ARAP1: variants seen among roughly 807,000 people sequenced by gnomAD.
The protein encoded by ARAP1 is ArfGAP with RhoGAP domain, ankyrin repeat and PH domain 1, also known as arf-GAP with Rho-GAP domain, ANK repeat and PH domain-containing protein 1.
A neutral mutation model predicts 172.2 loss-of-function variants in ARAP1; 76 were observed. That is an observed-to-expected ratio of 0.44 (90% CI 0.37 to 0.53). ARAP1 has a LOEUF of 0.53. Among genes scored for constraint, ARAP1 ranks in the 20% least tolerant of loss-of-function variants. The pLI is 0.00. For synonymous variants in ARAP1, 804 were observed against 803.3 expected (o/e 1.00, Z -0.01); for missense variants, 1,686 against 1,977.5 (o/e 0.85, Z 2.80).
At position 72,701,646 on chromosome 11, in the gene ARAP1, C is replaced by A; in HGVS notation, c.2302+3G>T. ...CTAAAGCAGAGTCTGGGGTGGCACC[C>A]ACCTTCCCGGGCCCGGCGGTCCTGT... is the stretch of plus-strand genomic sequence containing the variant. On this transcript the variant is annotated splice_donor_region_variant and intron_variant, in intron 16 of 34. Coordinates refer to ENST00000393609, the MANE Select transcript of ARAP1 (RefSeq NM_001040118.3). 1 of 1,612,120 alleles carries A rather than the reference C, an allele frequency of 6.2e-7. No homozygotes were observed. The highest frequency in any genetic ancestry group is 2.2e-5 in the East Asian group (1 of 44,868).
At chr11:72,734,967 T>C (rs1459167372) in intron 1 of ARAP1, among the ~76,000 whole-genome samples, 1 of 152,146 alleles carries the variant, frequency 6.6e-6, no homozygotes, top group East Asian at 1.9e-4. Context: ...ACTCTATTCA[T>C]ACTGGAGACT....
At chr11:72,701,086 C>A (rs1856461346) in intron 16 of ARAP1, among the ~76,000 whole-genome samples, 1 of 152,114 alleles carries the variant, frequency 6.6e-6, no homozygotes, top group African/African-American at 2.4e-5. Context: ...GAAACAGAGA[C>A]CTGACGGAAG....
chr11:72,687,364 G>A, intron 33 of ARAP1, 75 bp downstream of exon 33: 1 of 1,574,802 alleles, frequency 6.3e-7, no homozygotes, highest in Non-Finnish European at 8.7e-7. Flanking sequence ...GAATAGCACA[G>A]AAGCCAATGT....
chr11:72,734,639 A>G (rs1393045365), intron 1 of ARAP1, among the ~76,000 whole-genome samples: 2 of 152,226 alleles, frequency 1.3e-5, no homozygotes, highest in African/African-American at 4.8e-5. Flanking sequence ...CCCTGTTTTA[A>G]GGTGAAGAAA....
chr11:72,733,021 T>TGGA (rs1008959991), intron 1 of ARAP1, among the ~76,000 whole-genome samples: 2 of 149,834 alleles, frequency 1.3e-5, no homozygotes, highest in African/African-American at 4.9e-5. Context: ...GGGGAAGAGG[T>TGGA]GGAAGAAGAG....
At position 72,685,651 on chromosome 11, in the gene ARAP1, T is replaced by C. The variant is rs774219037; in HGVS notation, c.*13A>G. The C allele has an allele frequency of 1.2e-6, 2 of 1,614,122 alleles. No individual in the cohort carries two copies. Among genetic ancestry groups the C allele is most frequent in the Non-Finnish European group, 1.7e-6 (2 of 1,179,960 alleles). The stretch of plus-strand genomic sequence containing the variant: ...AGCGGCGGAATCCTAGAGCCAAGGA[T>C]GGGCTCCTGTGCTCAGACGTTGCGC... On this transcript the variant is annotated 3_prime_UTR_variant, in exon 35 of 35. Coordinates refer to ENST00000393609, the MANE Select transcript of ARAP1 (RefSeq NM_001040118.3).
At chr11:72,687,372 T>C (rs1489396885) in intron 33 of ARAP1, 67 bp downstream of exon 33, 42 of 1,588,342 alleles carry the variant, frequency 2.6e-5, no homozygotes, top group Non-Finnish European at 3.5e-5. Flanking sequence ...CAGAAGCCAA[T>C]GTCCCCATTC....
At chr11:72,734,611 G>T (rs1200822204) in intron 1 of ARAP1, among the ~76,000 whole-genome samples, 1 of 152,172 alleles carries the variant, frequency 6.6e-6, no homozygotes, top group East Asian at 1.9e-4. Context: ...AGCCCCAGGA[G>T]ATACATATGA....
At chr11:72,712,158 C>A (rs771772170) in intron 7 of ARAP1, 38 bp downstream of exon 7, 38 of 1,531,070 alleles carry the variant, frequency 2.5e-5, no homozygotes, top group South Asian at 4.9e-5. Context: ...CCCACCCCCC[C>A]ATGCAGAGCA....
chr11:72,691,200 A>G (rs1015849849), intron 30 of ARAP1, among the ~76,000 whole-genome samples: 2 of 152,364 alleles, frequency 1.3e-5, no homozygotes, highest in East Asian at 3.9e-4. Flanking sequence ...CTCACCTGGA[A>G]GTGGGGACAG....
In ARAP1 at chr11:72,693,007, C is replaced by T. The variant is rs574865112; in HGVS notation, c.3955-222G>A. 2 of 656,112 alleles carry T rather than the reference C, an allele frequency of 3.0e-6. No homozygotes were observed. Among genetic ancestry groups the T allele is most frequent in the Admixed American group, 5.0e-5 (2 of 40,136 alleles). The allele number at this position is 656,112 out of a possible 1,614,324, so 40.6% of individuals were successfully genotyped here. On this transcript the variant is annotated intron_variant, in intron 29 of 34. Coordinates refer to ENST00000393609, the MANE Select transcript of ARAP1 (RefSeq NM_001040118.3). This position sits in a 1 kb window ranked among gnomAD's most constrained non-coding sequence, Gnocchi z 4.6. ...CATACGATATGACAAGGCATGCATG[C>T]ACAACTTGGGGCTGTCATCAAGTAA...
Position 72,711,145 on chromosome 11 carries a change from G to A in ARAP1, c.1093-4C>T. 1 of 1,614,064 alleles carries A rather than the reference G, an allele frequency of 6.2e-7. No individual in the cohort carries two copies. The highest frequency in any genetic ancestry group is 8.5e-7 in the Non-Finnish European group (1 of 1,179,986). On this transcript the variant is annotated splice_polypyrimidine_tract_variant and splice_region_variant and intron_variant, in intron 8 of 34. Transcript: ENST00000393609. ...TAAAGCGCTTAGAGTAAGCGTCCTG[G>A]GGGAGAGACAGGAACTATATTTTGG...
chr11:72,688,186 T>C (rs752909359), intron 31 of ARAP1, among the ~76,000 whole-genome samples: 2 of 152,098 alleles, frequency 1.3e-5, no homozygotes, highest in Non-Finnish European at 2.9e-5. Flanking sequence ...GGTCTCGCCA[T>C]GTTGCCCAGG....
intron 14 of ARAP1, chr11:72,703,936 GC>G: frequency 1.7e-6 from 1 of 577,760 alleles, no homozygotes; most frequent in South Asian, 2.1e-5. Flanking sequence ...CTGGGGATGT[GC>G]CCTTGGCCCA....
intron 1 of ARAP1, among the ~76,000 whole-genome samples, chr11:72,744,075 C>T (rs1411824746): frequency 1.3e-5 from 2 of 152,146 alleles, no homozygotes; most frequent in Non-Finnish European, 2.9e-5. Context: ...ACCCTGCAAG[C>T]TCAAGTGCCA....
intron 30 of ARAP1, 79 bp from the exon 31 acceptor site, chr11:72,688,616 C>T: frequency 8.3e-7 from 1 of 1,201,716 alleles, no homozygotes; most frequent in Non-Finnish European, 1.2e-6. Context: ...GGGCAGCTCC[C>T]TCTTCCAACT....
intron 3 of ARAP1, among the ~76,000 whole-genome samples, chr11:72,720,837 G>A (rs1406768411): frequency 2.0e-5 from 3 of 151,990 alleles, no homozygotes; most frequent in Non-Finnish European, 4.4e-5. Flanking sequence ...CCATCAAACC[G>A]CTCCCTCCCT....
intron 34 of ARAP1, 127 bp from the exon 35 acceptor site, chr11:72,685,808 C>T (rs1385933383): frequency 7.1e-7 from 1 of 1,400,990 alleles, no homozygotes; most frequent in Non-Finnish European, 1.0e-6. Flanking sequence ...ATCAGCCAGG[C>T]TCCCAGCTCC....
chr11:72,704,712 G>C (rs763137818), intron 13 of ARAP1: 1 of 206,894 alleles, frequency 4.8e-6, no homozygotes, highest in Non-Finnish European at 9.8e-6. Context: ...AATGGGGTGG[G>C]CAGGGATTTT....
Sources: allele counts gnomAD v4.1 joint callset (sites outside exome capture counted in the v4.1 genomes callset), GRCh38; gene constraint gnomAD v4.1.1; non-coding constraint Gnocchi (gnomAD v3.1); transcripts MANE v1.5; gene names NCBI Gene and HGNC (gene_info 2026-07-23, HGNC 2026-07-21).